TCEA1: variants seen among roughly 807,000 people sequenced by gnomAD.
TCEA1 encodes the protein transcription elongation factor A1.
In TCEA1, 21 loss-of-function variants were observed where a neutral mutation model predicts 43.8. The observed-to-expected ratio is 0.48, with a 90% CI of 0.34 to 0.69. TCEA1 has a LOEUF of 0.69. TCEA1 is among the 30% of genes least tolerant of loss of function. The pLI is 0.01. For synonymous variants in TCEA1, 104 were observed against 117.5 expected, an observed-to-expected ratio of 0.88 and a Z score of 0.75; for missense variants, 250 against 365.1, an observed-to-expected ratio of 0.68 and a Z score of 2.57.
At chr8:54,019,165 T>G (rs1266245342) in intron 1 of TCEA1, among the ~76,000 whole-genome samples, 2 of 152,206 alleles carry the variant, frequency 1.3e-5, no homozygotes, top group African/African-American at 2.4e-5. Context: ...ATGGTTTTAG[T>G]AAAACAAAAT....
chr8:53,997,129 C>T (rs1337561217), intron 3 of TCEA1, among the ~76,000 whole-genome samples: 4 of 151,970 alleles, frequency 2.6e-5, no homozygotes, highest in East Asian at 1.9e-4. Flanking sequence ...AGGATGGTCT[C>T]GATCTCCTGA....
At chr8:53,978,935 T>C (rs1401572326) in intron 8 of TCEA1, 90 bp downstream of exon 8, 1 of 1,418,820 alleles carries the variant, frequency 7.0e-7, no homozygotes, top group Non-Finnish European at 9.5e-7. Context: ...TGAGGGACTA[T>C]CATACTGGTA....
intron 5 of TCEA1, 147 bp downstream of exon 5, chr8:53,987,967 G>T: frequency 3.3e-6 from 3 of 916,112 alleles, no homozygotes; most frequent in Non-Finnish European, 4.7e-6. Flanking sequence ...TAACAGACCC[G>T]TATCAGCAAC....
intron 2 of TCEA1, among the ~76,000 whole-genome samples, chr8:54,005,343 ACACT>A (rs1804405771): frequency 6.6e-6 from 1 of 152,204 alleles, no homozygotes; most frequent in African/African-American, 2.4e-5. Context: ...ATATCAGTCA[ACACT>A]CACATCAGAA....
chr8:53,987,187 T>C (rs926312324), intron 5 of TCEA1, among the ~76,000 whole-genome samples, 162 bp from the exon 6 acceptor site: 7 of 152,256 alleles, frequency 4.6e-5, no homozygotes, highest in Non-Finnish European at 7.3e-5. Flanking sequence ...CACTGCCCGC[T>C]AGACTTCTTT....
intron 1 of TCEA1, among the ~76,000 whole-genome samples, chr8:54,016,859 A>G (rs1804844402): frequency 1.3e-5 from 2 of 151,494 alleles, no homozygotes; most frequent in Non-Finnish European, 2.9e-5. Context: ...CTATAGTCCC[A>G]GCTACTCGGG....
intron 4 of TCEA1, among the ~76,000 whole-genome samples, chr8:53,990,181 G>C (rs1276927886): frequency 6.7e-6 from 1 of 150,334 alleles, no homozygotes; most frequent in Non-Finnish European, 1.5e-5. Flanking sequence ...CTGGGTAAAA[G>C]AGCAAGACTC....
At chr8:53,975,331 T>C (rs992394735) in intron 8 of TCEA1, among the ~76,000 whole-genome samples, 3 of 152,208 alleles carry the variant, frequency 2.0e-5, no homozygotes, top group Admixed American at 6.5e-5. Flanking sequence ...TTATTACTCA[T>C]ATTTTTCTGT....
At chr8:53,970,602 A>C in intron 8 of TCEA1, 139 bp from the exon 9 acceptor site, 2 of 546,566 alleles carry the variant, frequency 3.7e-6, no homozygotes, top group Non-Finnish European at 6.4e-6. Context: ...AACAAGTTCA[A>C]ATAAGCTAAA....
chr8:53,980,510 C>T (rs1309411300), intron 7 of TCEA1, among the ~76,000 whole-genome samples: 1 of 152,168 alleles, frequency 6.6e-6, no homozygotes, highest in Non-Finnish European at 1.5e-5. Context: ...ATATTCCAAG[C>T]ATTTTCACTA....
Position 54,021,933 on chromosome 8 carries a change from G to C in TCEA1, c.63+130C>G, listed in dbSNP as rs917938135. ...CCCGGACACCCTCCCCGGGGACGCG[G>C]GCGCGGCGGGCCCGGCTCCCAGACG... On this transcript the variant is annotated intron_variant, in intron 1 of 9. Coordinates refer to ENST00000521604, the MANE Select transcript of TCEA1 (RefSeq NM_006756.4). The C allele has an allele frequency of 7.7e-6, 7 of 904,530 alleles. No individual in the cohort carries two copies. In the African/African-American group the frequency reaches 1.1e-4, roughly 14 times the overall value. The allele number at this position is 904,530 out of a possible 1,614,324, so 56.0% of individuals were successfully genotyped here.
At chr8:53,973,372 G>GA in intron 8 of TCEA1, 2 of 510,532 alleles carry the variant, frequency 3.9e-6, no homozygotes, top group South Asian at 1.7e-5. Context: ...AAAGAAGAAA[G>GA]AAAAAAAGAC....
Position 53,979,051 on chromosome 8 carries a change from T to C in TCEA1, c.799A>G (p.Lys267Glu), listed in dbSNP as rs1803426913. Residue 267 changes from lysine to glutamate, a missense_variant, in exon 8 of 10, where the codon AAA becomes GAA. This residue lies in a region of TCEA1 where 46 missense variants were observed against 109.8 expected (regional missense o/e 0.42). Coordinates refer to ENST00000521604, the MANE Select transcript of TCEA1 (RefSeq NM_006756.4). ...QTDLFTCGKC[K>E]KKNCTYTQVQ... ...TGTGTGTAAGTGCAATTCTTCTTTTTACATTTGCCACATGTGAACAAGTCA... is the reference window on the plus strand; with the variant it reads ...TGTGTGTAAGTGCAATTCTTCTTTTCACATTTGCCACATGTGAACAAGTCA... 6.2e-7 allele frequency: 1 copy of C among 1,611,538 alleles called. No homozygotes were observed. The highest frequency in any genetic ancestry group is 1.7e-5 in the Admixed American group (1 of 59,978).
At chr8:53,981,918 C>T (rs1371761407) in intron 7 of TCEA1, among the ~76,000 whole-genome samples, 1 of 140,664 alleles carries the variant, frequency 7.1e-6, no homozygotes, top group East Asian at 2.0e-4. Context: ...CCATGCCCAG[C>T]TAAGTTTTCT....
Position 53,988,138 on chromosome 8 carries a change from G to C in TCEA1, c.442C>G (p.Leu148Val). Residue 148 changes from leucine to valine, a missense_variant, in exon 5 of 10, where the codon CTT (leucine) becomes GTT (valine). Physicochemically the swap from Leu to Val is conservative, Grantham distance 32 (BLOSUM62 1). Coordinates refer to ENST00000521604, the MANE Select transcript of TCEA1 (RefSeq NM_006756.4). ...DSVRLKCREM[L>V]AAALRTGDDY... The stretch of plus-strand genomic sequence containing the variant: ...CCCCCTGTTCGAAGAGCTGCAGCAA[G>C]CATCTCCCTACACTTCAACCGCACA... 1 of 1,611,876 alleles carries C rather than the reference G, an allele frequency of 6.2e-7. No individual in the cohort carries two copies. Among genetic ancestry groups the C allele is most frequent in the South Asian group, 1.1e-5 (1 of 90,822 alleles).
chr8:54,015,208 C>T (rs965694958), intron 1 of TCEA1, among the ~76,000 whole-genome samples: 1 of 151,084 alleles, frequency 6.6e-6, no homozygotes, highest in South Asian at 2.1e-4. Flanking sequence ...CTCACTGTGT[C>T]GCCCAGGCTG....
At chr8:53,983,700 G>C (rs941210861) in intron 7 of TCEA1, among the ~76,000 whole-genome samples, 1 of 151,936 alleles carries the variant, frequency 6.6e-6, no homozygotes, top group Non-Finnish European at 1.5e-5. Flanking sequence ...AATATGATGT[G>C]ACCAATTTTA....
At chr8:54,009,774 A>G (rs1365161988) in intron 2 of TCEA1, 1 of 152,270 alleles carries the variant, frequency 6.6e-6, no homozygotes, top group Non-Finnish European at 1.5e-5. Context: ...GGGTCACTAT[A>G]GTTAATAAAA....
chr8:54,011,264 G>GTA (rs1804644184), intron 1 of TCEA1, among the ~76,000 whole-genome samples: 1 of 152,206 alleles, frequency 6.6e-6, no homozygotes, highest in Non-Finnish European at 1.5e-5. Context: ...AGATTCAACA[G>GTA]TATCTGTTTT....
Sources: gnomAD v4.1 joint callset for allele counts (sites outside exome capture counted in the v4.1 genomes callset) on GRCh38, gnomAD v4.1.1 for gene constraint, gnomAD v4.1.1 regional missense constraint, MANE v1.5 for transcripts, NCBI Gene and HGNC (gene_info 2026-07-23, HGNC 2026-07-21) for gene names.